Variants in GRIK2 observed in about 807,000 individuals in gnomAD.
GRIK2 encodes glutamate receptor ionotropic, kainate 2.
Under a neutral mutation model 100.3 loss-of-function variants are expected in GRIK2, and 32 were observed. The observed-to-expected ratio is 0.32, with a 90% confidence interval of 0.24 to 0.43. The LOEUF (loss-of-function observed/expected upper bound fraction) is 0.43, where lower values mean the gene tolerates loss of function less well. Ranked by LOEUF, GRIK2 falls within the 20% of genes least tolerant of loss-of-function variation. The pLI is 1.00. For missense variants in GRIK2, 843 were observed against 1,114.9 expected (o/e 0.76, Z 3.47); for synonymous variants, 417 against 389.4 (o/e 1.07, Z -0.83).
At chr6:102,034,024 T>C (rs953762366) in intron 14 of GRIK2, among the ~76,000 whole-genome samples, 1 of 151,418 alleles carries the variant, frequency 6.6e-6, no homozygotes, top group Non-Finnish European at 1.5e-5. Flanking sequence ...TGGATTTGTG[T>C]ACTATTATAA....
At chr6:101,860,933 C>G in intron 11 of GRIK2, 1 of 927,696 alleles carries the variant, frequency 1.1e-6, no homozygotes, top group Non-Finnish European at 1.3e-6. Context: ...TATTGTTAGT[C>G]CTTGAAAAAA....
chr6:101,698,200 T>C (rs1772638083), intron 7 of GRIK2, among the ~76,000 whole-genome samples: 1 of 152,074 alleles, frequency 6.6e-6, no homozygotes, highest in African/African-American at 2.4e-5. Context: ...TGAGTAATTA[T>C]ATTTACATTA....
chr6:101,627,868 G>A (rs78336702), intron 4 of GRIK2, among the ~76,000 whole-genome samples: 364 of 152,122 alleles, frequency 2.4e-3, no homozygotes, highest in African/African-American at 8.2e-3. Flanking sequence ...TGAATTATCA[G>A]TTAAAAACAA....
chr6:101,550,993 G>T (rs965285562), intron 2 of GRIK2, among the ~76,000 whole-genome samples: 1 of 152,094 alleles, frequency 6.6e-6, no homozygotes, highest in Non-Finnish European at 1.5e-5. Context: ...TCTGCTCCCT[G>T]CTCTGATGAC....
rs190309407 is a variant in GRIK2, at chr6:101,954,524, A to G, written c.2085+25892A>G. Among the ~76,000 whole-genome samples, 6 of 152,264 alleles carry G rather than the reference A, an allele frequency of 3.9e-5. No individual in the cohort carries two copies. In the East Asian group the frequency reaches 1.2e-3, roughly 29 times the overall value. On this transcript the variant is annotated intron_variant, in intron 14 of 16. Transcript: ENST00000369134. ...ATTTTCTGATAGTTCAATTTTATAT[A>G]TAGAAATATAAGTGATTTTTGTATA...
intron 7 of GRIK2, among the ~76,000 whole-genome samples, chr6:101,739,905 A>G (rs541882475): frequency 2.0e-3 from 307 of 152,138 alleles, no homozygotes; most frequent in African/African-American, 7.1e-3. Context: ...GTGGTTTTGG[A>G]GCAGGGATTT....
At chr6:101,421,305 C>T (rs536637413) in intron 2 of GRIK2, among the ~76,000 whole-genome samples, 19 of 152,310 alleles carry the variant, frequency 1.2e-4, no homozygotes, top group South Asian at 1.0e-3. Flanking sequence ...CTGTAAGCTA[C>T]GCAGCATGAC....
rs191204673 is a variant in GRIK2, at chr6:101,679,972, T to A, written c.724-2581T>A. ...CCAGGCTGGTCTTGAAATCCTGACC[T>A]CGTGATCCACCTGCCTTGGCCTCCC... On this transcript the variant is annotated intron_variant, in intron 5 of 16. Coordinates refer to ENST00000369134, the MANE Select transcript of GRIK2 (RefSeq NM_021956.5). Among the ~76,000 whole-genome samples, 3 of 152,276 alleles carry A rather than the reference T, an allele frequency of 2.0e-5. No homozygotes were observed. The East Asian group carries it at 5.8e-4, about 30-fold the overall frequency.
At chr6:101,941,775 T>C (rs1324995589) in intron 14 of GRIK2, among the ~76,000 whole-genome samples, 1 of 152,118 alleles carries the variant, frequency 6.6e-6, no homozygotes, top group East Asian at 1.9e-4. Context: ...ACTAAAAAAT[T>C]GCCCATAGTT....
chr6:101,905,963 G>A (rs1582502989), intron 12 of GRIK2, among the ~76,000 whole-genome samples: 1 of 151,532 alleles, frequency 6.6e-6, no homozygotes, highest in East Asian at 1.9e-4. Context: ...TTTTACTAGA[G>A]CAACTAAAGA....
At position 101,765,701 on chromosome 6, in the gene GRIK2, CCT is replaced by C. The variant is rs932463342; in HGVS notation, c.952-33939_952-33938del. Among the ~76,000 whole-genome samples the C allele has an allele frequency of 2.6e-5, 4 of 152,060 alleles. No homozygotes were observed. In the East Asian group the frequency reaches 7.8e-4, roughly 29 times the overall value. On this transcript the variant is annotated intron_variant, in intron 7 of 16. Coordinates refer to ENST00000369134, the MANE Select transcript of GRIK2 (RefSeq NM_021956.5). The stretch of plus-strand genomic sequence containing the variant: ...GGAGTGTTTTCTTATGAAACCAATG[CCT>C]CTCTCTCCCTCTCCACGAAGCGGAA...
intron 2 of GRIK2, among the ~76,000 whole-genome samples, chr6:101,556,374 G>A (rs1327047713): frequency 3.9e-5 from 3 of 76,802 alleles, no homozygotes; most frequent in East Asian, 2.8e-4. Flanking sequence ...TCGCTCTGTC[G>A]CCCAGGCTGG....
intron 14 of GRIK2, among the ~76,000 whole-genome samples, chr6:101,942,009 C>T (rs1015150823): frequency 2.0e-5 from 3 of 151,716 alleles, no homozygotes; most frequent in Non-Finnish European, 2.9e-5. Flanking sequence ...GTATCTCTTA[C>T]AGCTATTAAA....
chr6:101,957,632 AG>A (rs1381208873), intron 14 of GRIK2, among the ~76,000 whole-genome samples: 1 of 152,050 alleles, frequency 6.6e-6, no homozygotes, highest in Admixed American at 6.6e-5. Context: ...ACATTTTCAA[AG>A]GTTCCCTTCA....
intron 2 of GRIK2, among the ~76,000 whole-genome samples, chr6:101,563,308 G>T (rs2128296371): frequency 6.6e-6 from 1 of 152,234 alleles, no homozygotes; most frequent in East Asian, 1.9e-4. Flanking sequence ...CAAAACACAT[G>T]TTCTGAGAGC....
intron 2 of GRIK2, among the ~76,000 whole-genome samples, chr6:101,580,218 T>C (rs953500947): frequency 1.3e-4 from 20 of 152,198 alleles, no homozygotes; most frequent in African/African-American, 4.8e-4. Context: ...CTGAACTCTT[T>C]ATTTTATTCC....
intron 2 of GRIK2, among the ~76,000 whole-genome samples, chr6:101,570,537 G>C (rs1777480690): frequency 6.6e-6 from 1 of 152,098 alleles, no homozygotes; most frequent in Non-Finnish European, 1.5e-5. Context: ...AGTGAGGGAT[G>C]TCCCAAATGC....
chr6:101,535,344 C>T (rs1554216114), intron 2 of GRIK2, among the ~76,000 whole-genome samples: 1 of 151,660 alleles, frequency 6.6e-6, no homozygotes, highest in Non-Finnish European at 1.5e-5. Flanking sequence ...TGTCAACTAA[C>T]AGAATATAAC....
intron 14 of GRIK2, among the ~76,000 whole-genome samples, chr6:101,994,023 T>C (rs1351989093): frequency 6.8e-6 from 1 of 147,530 alleles, no homozygotes; most frequent in African/African-American, 2.5e-5. Context: ...TATATAAATA[T>C]ATACATTATA....
Sources: gnomAD v4.1 joint callset for allele counts (sites outside exome capture counted in the v4.1 genomes callset) on GRCh38, gnomAD v4.1.1 for gene constraint, MANE v1.5 for transcripts, NCBI Gene and HGNC (gene_info 2026-07-23, HGNC 2026-07-21) for gene names.